Variants in DNAH9 observed in about 807,000 individuals in gnomAD.
DNAH9 encodes DNAH9 variant protein.
DNAH9 carries 345 observed loss-of-function variants against 471.6 expected under a neutral mutation model. That is an observed-to-expected ratio of 0.73 (90% CI 0.67 to 0.80). The LOEUF is 0.80. DNAH9 is among the 30% of genes least tolerant of loss of function. The pLI, the probability that DNAH9 is intolerant of heterozygous loss-of-function variation, is 0.00. For missense variants in DNAH9, 5,407 were observed against 5,609.2 expected, an observed-to-expected ratio of 0.96 and a Z score of 1.15; for synonymous variants, 2,093 against 2,123.6, an observed-to-expected ratio of 0.99 and a Z score of 0.40.
chr17:11,622,844 A>C (rs900683159), intron 6 of DNAH9, among the ~76,000 whole-genome samples: 1 of 152,048 alleles, frequency 6.6e-6, no homozygotes, highest in African/African-American at 2.4e-5. Context: ...TTAGAGGATG[A>C]CATGAGTGTC....
rs1002532128 is a variant in DNAH9, at chr17:11,704,278, G to A, written c.5227G>A (p.Glu1743Lys). The A allele has an allele frequency of 8.7e-6, 14 of 1,614,090 alleles. No homozygotes were observed. The highest frequency in any genetic ancestry group is 1.3e-5 in the African/African-American group (1 of 74,934). Reference protein sequence around the residue: ...MAFARLEEGYESAMKDYYKKQ... With the variant: ...MAFARLEEGYKSAMKDYYKKQ... ...ATTTGCCAGGCTGGAGGAAGGCTAT[G>A]AGAGTGCCATGAAGGACTATTATAA... The change falls in exon 25 of 69, where the codon GAG (glutamate) becomes AAG (lysine). Residue 1743 changes from glutamate to lysine, a missense_variant. This residue lies in a region of DNAH9 where 4,636 missense variants were observed against 4,900.3 expected (regional missense o/e 0.95). Coordinates refer to ENST00000262442, the MANE Select transcript of DNAH9 (RefSeq NM_001372.4).
chr17:11,636,567 A>G, intron 8 of DNAH9, 67 bp from the exon 9 acceptor site: 1 of 1,323,588 alleles, frequency 7.6e-7, no homozygotes, highest in Non-Finnish European at 1.1e-6. Context: ...AGAACACTGG[A>G]TTTGTATAAC....
chr17:11,825,388 A>G, intron 48 of DNAH9, among the ~76,000 whole-genome samples: 1 of 152,012 alleles, frequency 6.6e-6, no homozygotes, highest in East Asian at 1.9e-4. Context: ...CTATCTATTT[A>G]TCCTCTGGGA....
intron 49 of DNAH9, among the ~76,000 whole-genome samples, chr17:11,838,553 G>A (rs191316489): frequency 1.3e-5 from 2 of 152,228 alleles, no homozygotes; most frequent in East Asian, 1.9e-4. Context: ...ATCCCAGGAA[G>A]GAACGACCTC....
intron 4 of DNAH9, among the ~76,000 whole-genome samples, chr17:11,613,171 T>C (rs974655022): frequency 6.6e-6 from 1 of 152,318 alleles, no homozygotes; most frequent in Non-Finnish European, 1.5e-5. Flanking sequence ...CAAGTGTCTC[T>C]TGAGGCTCCA....
intron 32 of DNAH9, among the ~76,000 whole-genome samples, chr17:11,749,063 G>GT (rs1567772179): frequency 3.1e-4 from 8 of 25,588 alleles, no homozygotes; most frequent in African/African-American, 6.4e-4. Flanking sequence ...TTTTTAAGAG[G>GT]GTTTTTTTTT....
chr17:11,955,697 A>C (rs1172503255), intron 67 of DNAH9, among the ~76,000 whole-genome samples: 1 of 152,216 alleles, frequency 6.6e-6, no homozygotes, highest in Non-Finnish European at 1.5e-5. Context: ...GGAGAAACCC[A>C]TGTACAGGTT....
At chr17:11,653,460 G>C (rs958755826) in intron 14 of DNAH9, among the ~76,000 whole-genome samples, 1 of 152,202 alleles carries the variant, frequency 6.6e-6, no homozygotes, top group Admixed American at 6.5e-5. Context: ...AAAAAATGCA[G>C]AGTGCTACAC....
intron 38 of DNAH9, among the ~76,000 whole-genome samples, chr17:11,774,527 T>G (rs114187543): frequency 0.036 from 5,441 of 152,064 alleles, 131 homozygotes; most frequent in South Asian, 0.068. Context: ...AGCGTGTGTG[T>G]GGGGGAACTG....
At chr17:11,737,070 G>A (rs545699473) in intron 28 of DNAH9, among the ~76,000 whole-genome samples, 1 of 152,316 alleles carries the variant, frequency 6.6e-6, no homozygotes, top group African/African-American at 2.4e-5. Flanking sequence ...TGAGCCCCAC[G>A]CAAACCAGCA....
chr17:11,829,664 G>A (rs2150949174), intron 48 of DNAH9, among the ~76,000 whole-genome samples: 1 of 152,146 alleles, frequency 6.6e-6, no homozygotes, highest in South Asian at 2.1e-4. Context: ...TAGAGATGGG[G>A]GTCTCGCCAT....
At chr17:11,685,336 A>C (rs2074222613) in intron 19 of DNAH9, among the ~76,000 whole-genome samples, 2 of 152,230 alleles carry the variant, frequency 1.3e-5, no homozygotes, top group African/African-American at 4.8e-5. Flanking sequence ...TGTAAGAAAC[A>C]GCTGGAAAAC....
At chr17:11,681,806 C>T (rs1302759146) in intron 19 of DNAH9, among the ~76,000 whole-genome samples, 5 of 152,088 alleles carry the variant, frequency 3.3e-5, no homozygotes, top group African/African-American at 7.2e-5. Flanking sequence ...TTCACTGGAA[C>T]GAAGTTCAAT....
intron 43 of DNAH9, among the ~76,000 whole-genome samples, chr17:11,803,021 G>A (rs994664720): frequency 6.6e-6 from 1 of 152,206 alleles, no homozygotes; most frequent in Admixed American, 6.5e-5. Context: ...TGGGAAATTA[G>A]GATATTAAGA....
intron 55 of DNAH9, chr17:11,883,057 A>G: frequency 2.0e-6 from 2 of 987,238 alleles, no homozygotes; most frequent in South Asian, 9.4e-5. Context: ...AGAGGAAGAG[A>G]TGAGATCCAC....
At position 11,699,743 on chromosome 17, in the gene DNAH9, C is replaced by G. The variant is rs543379093; in HGVS notation, c.4885C>G (p.Leu1629Val). The G allele has an allele frequency of 6.8e-6, 11 of 1,614,040 alleles. 1 individual carries two copies. In the South Asian group the frequency reaches 1.2e-4, roughly 18 times the overall value. Residue 1629 changes from leucine to valine, a missense_variant, in exon 23 of 69, where the codon CTT becomes GTT. This residue lies in a region of DNAH9 where 4,636 missense variants were observed against 4,900.3 expected (regional missense o/e 0.95). Transcript: ENST00000262442. Reference protein sequence around the residue: ...GTAPQQVQRHLSKLFDNMAKM... With the variant: ...GTAPQQVQRHVSKLFDNMAKM... The stretch of plus-strand genomic sequence containing the variant: ...TTTCCCTTCATAGGTTCAACGTCAC[C>G]TTTCCAAACTCTTTGACAACATGGC...
At chr17:11,742,722 C>A (rs1292115151) in intron 30 of DNAH9, among the ~76,000 whole-genome samples, 1 of 152,142 alleles carries the variant, frequency 6.6e-6, no homozygotes, top group Non-Finnish European at 1.5e-5. Context: ...GTAGCTTCCA[C>A]CTAAGGCAGG....
intron 61 of DNAH9, among the ~76,000 whole-genome samples, chr17:11,921,136 G>A (rs988918150): frequency 2.6e-5 from 4 of 151,886 alleles, no homozygotes; most frequent in South Asian, 4.2e-4. Context: ...CCAGCTACTC[G>A]GGAGGCTGAG....
At chr17:11,784,846 G>T (rs754364912) in intron 41 of DNAH9, among the ~76,000 whole-genome samples, 13 of 151,968 alleles carry the variant, frequency 8.6e-5, no homozygotes, top group Non-Finnish European at 1.6e-4. Flanking sequence ...AGTCCAGTAT[G>T]CCTGGGAAGA....
Sources: allele counts gnomAD v4.1 joint callset (sites outside exome capture counted in the v4.1 genomes callset), GRCh38; gene constraint gnomAD v4.1.1; regional missense constraint gnomAD v4.1.1; transcripts MANE v1.5; gene names NCBI Gene and HGNC (gene_info 2026-07-23, HGNC 2026-07-21).